Variants in SCN11A observed in about 807,000 individuals in gnomAD.
SCN11A encodes the protein sodium voltage-gated channel alpha subunit 11, also known as sodium channel protein type 11 subunit alpha.
A neutral mutation model predicts 162.2 loss-of-function variants in SCN11A; 122 were observed. The ratio of observed to expected loss-of-function variants is 0.75; its 90% CI spans 0.65 to 0.87. The LOEUF is 0.87. Ranked by LOEUF, SCN11A falls within the 40% of genes least tolerant of loss-of-function variation. SCN11A has a pLI of 0.00. For synonymous variants in SCN11A, 758 were observed against 751.5 expected (o/e 1.01, Z -0.14); for missense variants, 2,015 against 2,181.6 (o/e 0.92, Z 1.52).
At chr3:38,866,657 A>G (rs1363759728) in intron 27 of SCN11A, among the ~76,000 whole-genome samples, 1 of 152,260 alleles carries the variant, frequency 6.6e-6, no homozygotes, top group Non-Finnish European at 1.5e-5. Flanking sequence ...AATGGATTAT[A>G]TCAAAATCAT....
At chr3:39,020,184 A>G (rs1334400677) in intron 2 of SCN11A, among the ~76,000 whole-genome samples, 1 of 152,258 alleles carries the variant, frequency 6.6e-6, no homozygotes, top group Non-Finnish European at 1.5e-5. Context: ...GGGAAGCCTT[A>G]GCGCATAGTA....
chr3:38,920,442 C>G (rs904484705), intron 10 of SCN11A, among the ~76,000 whole-genome samples: 3 of 152,128 alleles, frequency 2.0e-5, no homozygotes, highest in African/African-American at 7.2e-5. Context: ...CCTGTAATCC[C>G]AGCACTTTGG....
At chr3:39,018,170 G>C (rs535068635) in intron 2 of SCN11A, among the ~76,000 whole-genome samples, 1 of 152,296 alleles carries the variant, frequency 6.6e-6, no homozygotes, top group East Asian at 1.9e-4. Context: ...TGAACCCTGG[G>C]CACTGTTACT....
intron 9 of SCN11A, among the ~76,000 whole-genome samples, chr3:38,923,964 A>G (rs893898439): frequency 1.3e-5 from 2 of 152,196 alleles, no homozygotes; most frequent in Non-Finnish European, 2.9e-5. Flanking sequence ...GTTTCCTATT[A>G]GAAGAATCCC....
chr3:38,907,342 G>GTA (rs1211789727), intron 14 of SCN11A, among the ~76,000 whole-genome samples: 38 of 31,772 alleles, frequency 1.2e-3, no homozygotes, highest in African/African-American at 2.1e-3. Context: ...GTGTGTGTGT[G>GTA]TATATATCTA....
At chr3:38,987,299 TCTCTCACACACACA>T (rs1325437089) in intron 2 of SCN11A, among the ~76,000 whole-genome samples, 10 of 111,756 alleles carry the variant, frequency 8.9e-5, no homozygotes, top group South Asian at 8.2e-4. Context: ...TCTCTCTCTC[TCTCTCACACACACA>T]CACACACACA....
intron 1 of SCN11A, among the ~76,000 whole-genome samples, chr3:39,035,402 G>C (rs1241434688): frequency 6.6e-6 from 1 of 152,098 alleles, no homozygotes; most frequent in Non-Finnish European, 1.5e-5. Flanking sequence ...ATATGCAAAA[G>C]AATGAAACTA....
At chr3:39,013,280 G>A (rs775904711) in intron 2 of SCN11A, among the ~76,000 whole-genome samples, 3 of 152,206 alleles carry the variant, frequency 2.0e-5, no homozygotes, top group Non-Finnish European at 4.4e-5. Flanking sequence ...AACAAACTAA[G>A]TGATCCAAAA....
At chr3:39,018,349 T>A (rs936802690) in intron 2 of SCN11A, among the ~76,000 whole-genome samples, 3 of 151,740 alleles carry the variant, frequency 2.0e-5, no homozygotes, top group Non-Finnish European at 4.4e-5. Flanking sequence ...CTCCGGGTGT[T>A]TTTATTCTCC....
At chr3:38,965,906 G>A (rs2066778781) in intron 2 of SCN11A, among the ~76,000 whole-genome samples, 1 of 152,008 alleles carries the variant, frequency 6.6e-6, no homozygotes, top group South Asian at 2.1e-4. Context: ...TGGGAGCCCT[G>A]GAGGTGAAGG....
intron 2 of SCN11A, among the ~76,000 whole-genome samples, chr3:39,021,595 G>A (rs2031452601): frequency 6.6e-6 from 1 of 152,160 alleles, no homozygotes; most frequent in Non-Finnish European, 1.5e-5. Flanking sequence ...GGACCTGAGT[G>A]AAGGAGAGAA....
chr3:38,959,478 G>C (rs2066719191), intron 3 of SCN11A, among the ~76,000 whole-genome samples: 1 of 151,430 alleles, frequency 6.6e-6, no homozygotes. Flanking sequence ...TTCCAACTGG[G>C]CTGGTATGCG....
At chr3:38,889,350 G>A (rs1415472680) in intron 19 of SCN11A, among the ~76,000 whole-genome samples, 2 of 151,876 alleles carry the variant, frequency 1.3e-5, no homozygotes, top group East Asian at 3.9e-4. Context: ...GCTTGAACTC[G>A]GCAAGCAGAG....
chr3:38,980,488 C>T (rs183618284), intron 2 of SCN11A, among the ~76,000 whole-genome samples: 26 of 152,228 alleles, frequency 1.7e-4, no homozygotes, highest in Admixed American at 1.4e-3. Flanking sequence ...AGCTGCAATA[C>T]GCTCTTACTG....
At chr3:38,967,454 A>G (rs2066790187) in intron 2 of SCN11A, among the ~76,000 whole-genome samples, 1 of 152,198 alleles carries the variant, frequency 6.6e-6, no homozygotes, top group African/African-American at 2.4e-5. Flanking sequence ...AGCCAGCACC[A>G]GCTTACCAGC....
At chr3:38,930,920 A>C (rs888171984) in intron 7 of SCN11A, among the ~76,000 whole-genome samples, 16 of 152,182 alleles carry the variant, frequency 1.1e-4, no homozygotes, top group Non-Finnish European at 1.5e-4. Context: ...GTATTTTAAT[A>C]GTGAAAATGG....
Position 38,921,189 on chromosome 3 carries a change from G to A in SCN11A, c.779C>T (p.Thr260Ile), listed in dbSNP as rs1489482408. 6.2e-7 allele frequency: 1 copy of A among 1,614,108 alleles called. No homozygotes were observed. The highest frequency in any genetic ancestry group is 1.1e-5 in the South Asian group (1 of 91,086). ...VKKLVNVIIL[T>I]FFCLSIFALV... ...GGCAAAGATGCTGAGGCAAAAGAAG[G>A]TGAGGATAATCACGTTGACCAGCTT... is the stretch of plus-strand genomic sequence containing the variant. The change falls in exon 10 of 30, where the codon ACC (threonine) becomes ATC (isoleucine). Residue 260 changes from threonine (T) to isoleucine (I), a missense_variant. Physicochemically the swap from Thr to Ile is moderately conservative, Grantham distance 89. Transcript: ENST00000302328.
intron 5 of SCN11A, among the ~76,000 whole-genome samples, chr3:38,949,798 G>C (rs1370811734): frequency 6.6e-6 from 1 of 152,094 alleles, no homozygotes; most frequent in African/African-American, 2.4e-5. Context: ...TAACTTCTGG[G>C]ACTACTAGTC....
In SCN11A at chr3:38,967,924, T is replaced by G. The variant is rs75647141; in HGVS notation, c.-279-7501A>C. ...CATTCCTTGTACCTTTTCTAAGTATTTAGTTCACTCTGCTTCCAATTCTAA... is the reference window on the plus strand; with the variant it reads ...CATTCCTTGTACCTTTTCTAAGTATGTAGTTCACTCTGCTTCCAATTCTAA... On this transcript the variant is annotated intron_variant, in intron 2 of 29. Transcript: ENST00000302328. Among the ~76,000 whole-genome samples, 581 of 152,364 alleles carry G rather than the reference T, an allele frequency of 3.8e-3. 4 individuals carry two copies. Among genetic ancestry groups the G allele is most frequent in the African/African-American group, 0.013 (552 of 41,582 alleles).
Sources: gnomAD v4.1 joint callset for allele counts (sites outside exome capture counted in the v4.1 genomes callset) on GRCh38, gnomAD v4.1.1 for gene constraint, MANE v1.5 for transcripts, NCBI Gene and HGNC (gene_info 2026-07-23, HGNC 2026-07-21) for gene names.